The following HHAT variants were observed in gnomAD, a reference collection of about 807,000 sequenced individuals.
HHAT encodes the protein protein-cysteine N-palmitoyltransferase HHAT.
Under a neutral mutation model 70.8 loss-of-function variants are expected in HHAT, and 47 were observed. The ratio of observed to expected loss-of-function variants is 0.66; its 90% CI spans 0.53 to 0.85. HHAT has a LOEUF of 0.85. Ranked by LOEUF, HHAT falls within the 40% of genes least tolerant of loss-of-function variation. The pLI, the probability that HHAT is intolerant of heterozygous loss-of-function variation, is 0.00. For missense variants in HHAT, 609 were observed against 604.8 expected, an observed-to-expected ratio of 1.01 and a Z score of -0.07; for synonymous variants, 228 against 247.6, an observed-to-expected ratio of 0.92 and a Z score of 0.74.
chr1:210,512,866 A>T (rs981738775), intron 8 of HHAT, among the ~76,000 whole-genome samples: 2 of 152,090 alleles, frequency 1.3e-5, no homozygotes, highest in African/African-American at 4.8e-5. Flanking sequence ...ACGCTACTAG[A>T]GAGCAGTGTT....
chr1:210,449,900 A>G (rs2093713747), intron 7 of HHAT, among the ~76,000 whole-genome samples: 1 of 134,744 alleles, frequency 7.4e-6, no homozygotes, highest in East Asian at 2.4e-4. Context: ...GTCGGGCCAC[A>G]GGGACAGAGA....
intron 10 of HHAT, among the ~76,000 whole-genome samples, chr1:210,604,779 G>C (rs192871048): frequency 1.1e-4 from 16 of 152,226 alleles, no homozygotes; most frequent in Admixed American, 1.0e-3. Context: ...ACTTTGAGGG[G>C]CCAAGGTGGG....
At chr1:210,375,735 T>A (rs568234191) in intron 3 of HHAT, among the ~76,000 whole-genome samples, 2 of 152,194 alleles carry the variant, frequency 1.3e-5, no homozygotes, top group East Asian at 3.9e-4. Context: ...TCTGGAAAAT[T>A]TAATGACACC....
At chr1:210,540,975 C>T (rs752035916) in intron 9 of HHAT, among the ~76,000 whole-genome samples, 3 of 151,964 alleles carry the variant, frequency 2.0e-5, no homozygotes, top group African/African-American at 4.8e-5. Context: ...TGAGTAGCTG[C>T]GACTACAGGC....
At chr1:210,637,739 A>G (rs1380756327) in intron 11 of HHAT, among the ~76,000 whole-genome samples, 5 of 152,014 alleles carry the variant, frequency 3.3e-5, no homozygotes, top group Non-Finnish European at 7.4e-5. Context: ...ACACGCCTGT[A>G]GTCCCAGCTA....
chr1:210,628,740 GTTTA>G (rs1350053621), intron 11 of HHAT, among the ~76,000 whole-genome samples: 1 of 152,194 alleles, frequency 6.6e-6, no homozygotes, highest in African/African-American at 2.4e-5. Flanking sequence ...TGTCTGAGCA[GTTTA>G]TTTGTCTCCT....
Position 210,442,994 on chromosome 1 carries a change from T to A in HHAT, c.857-21511T>A, listed in dbSNP as rs2093556757. On this transcript the variant is annotated intron_variant, in intron 7 of 11. Coordinates refer to ENST00000261458, the MANE Select transcript of HHAT (RefSeq NM_018194.6). ...GTTTTTATGGTTTTAGGTCTAACAT[T>A]TAAGTCTTTAATCCATCTTGAATTG... Among the ~76,000 whole-genome samples, 2 of 152,302 alleles carry A rather than the reference T, an allele frequency of 1.3e-5. 1 individual carries two copies. The highest frequency in any genetic ancestry group is 4.2e-4 in the South Asian group (2 of 4,812).
rs138225423 is a variant in HHAT, at chr1:210,423,253, T to C, written c.856+4928T>C. 1.2e-3 allele frequency among the ~76,000 whole-genome samples: 187 copies of C among 152,342 alleles called. 1 individual carries two copies. Among genetic ancestry groups the C allele is most frequent in the African/African-American group, 4.1e-3 (171 of 41,576 alleles). Reference sequence around the variant, plus strand: ...TTTGTTATTTTTTTGGCCACTTTCATAATAGTCATCCTAACTCTGGGGTGA... The same window carrying C: ...TTTGTTATTTTTTTGGCCACTTTCACAATAGTCATCCTAACTCTGGGGTGA... On this transcript the variant is annotated intron_variant, in intron 7 of 11. Transcript: ENST00000261458.
rs115835530 is a variant in HHAT at position 210,432,502 on chromosome 1, G to A, written c.856+14177G>A. Among the ~76,000 whole-genome samples the A allele has an allele frequency of 6.0e-3, 919 of 152,036 alleles. 3 individuals carry two copies. The highest frequency in any genetic ancestry group is 0.01 in the Middle Eastern group (3 of 294). ...ATAATTGACTTTGGTCATGGTTGAC[G>A]TTGTTCATTTTGGGGGACTAAAGAC... On this transcript the variant is annotated intron_variant, in intron 7 of 11. Transcript: ENST00000261458.
intron 9 of HHAT, among the ~76,000 whole-genome samples, chr1:210,545,768 C>T (rs894606843): frequency 6.6e-6 from 1 of 152,138 alleles, no homozygotes; most frequent in Non-Finnish European, 1.5e-5. Context: ...GACCTTCTCT[C>T]ATCTCTCAGT....
chr1:210,404,567 A>G lies in HHAT; in HGVS notation c.572A>G (p.Gln191Arg). ...TSFSLELCWQ[Q>R]LPAASTSYSF... ...TTCAGCCTGGAGCTCTGCTGGCAGC[A>G]GCTGCCTGCTGCATCGACCTCCTAC... The change falls in exon 6 of 12, where the codon CAG becomes CGG. Residue 191 changes from glutamine (Q) to arginine (R), a missense_variant. Gln to Arg is a conservative substitution (Grantham distance 43). Coordinates refer to ENST00000261458, the MANE Select transcript of HHAT (RefSeq NM_018194.6). 6.2e-7 allele frequency: 1 copy of G among 1,613,672 alleles called. No homozygotes were observed. Among genetic ancestry groups the G allele is most frequent in the Non-Finnish European group, 8.5e-7 (1 of 1,179,580 alleles).
intron 10 of HHAT, among the ~76,000 whole-genome samples, chr1:210,591,535 C>G (rs555722274): frequency 6.6e-6 from 1 of 151,960 alleles, no homozygotes; most frequent in South Asian, 2.1e-4. Context: ...CTTAATTTAC[C>G]GATTTCCTTT....
intron 8 of HHAT, among the ~76,000 whole-genome samples, chr1:210,482,220 G>C (rs1223136399): frequency 1.3e-5 from 2 of 152,086 alleles, no homozygotes; most frequent in East Asian, 3.9e-4. Context: ...GAACTCTTCT[G>C]TACCTCCTGG....
rs151238336 is a variant in HHAT, at chr1:210,384,044, T to C, written c.160-3424T>C. 3.3e-3 allele frequency among the ~76,000 whole-genome samples: 510 copies of C among 152,328 alleles called. 7 individuals carry two copies. Among genetic ancestry groups the C allele is most frequent in the African/African-American group, 0.012 (489 of 41,564 alleles). Reference sequence around the variant, plus strand: ...CCTCATGGTGCCTAGAGCAGAACTCTGCTGTGGGTAGGAAAAGAGGCAGTT... The same window carrying C: ...CCTCATGGTGCCTAGAGCAGAACTCCGCTGTGGGTAGGAAAAGAGGCAGTT... On this transcript the variant is annotated intron_variant, in intron 3 of 11. Transcript: ENST00000261458.
In HHAT at chr1:210,674,411, G is replaced by A. The variant is rs376887707; in HGVS notation, c.*32G>A. ...TGGGCCCAGGCCAGTCCTTGTTGCT[G>A]GCCTCCAAGGCAAATAGTGCTTCAC... On this transcript the variant is annotated 3_prime_UTR_variant, in exon 12 of 12. Coordinates refer to ENST00000261458, the MANE Select transcript of HHAT (RefSeq NM_018194.6). 16 of 1,554,416 alleles carry A rather than the reference G, an allele frequency of 1.0e-5. No individual in the cohort carries two copies. Among genetic ancestry groups the A allele is most frequent in the Non-Finnish European group, 1.4e-5 (16 of 1,126,712 alleles).
chr1:210,569,437 C>T (rs1468785446), intron 9 of HHAT, among the ~76,000 whole-genome samples: 1 of 141,388 alleles, frequency 7.1e-6, no homozygotes, highest in Non-Finnish European at 1.5e-5. Flanking sequence ...GTTTTCCACT[C>T]ATTGAGAAAG....
chr1:210,602,921 G>A (rs951042919), intron 10 of HHAT, among the ~76,000 whole-genome samples: 4 of 152,144 alleles, frequency 2.6e-5, no homozygotes, highest in African/African-American at 4.8e-5. Context: ...GGTCTAAGAG[G>A]TAGAATTCTG....
chr1:210,394,086 A>G (rs1076708), intron 4 of HHAT, among the ~76,000 whole-genome samples: 60,860 of 151,892 alleles, frequency 0.4, 12,572 homozygotes, highest in Admixed American at 0.42. Flanking sequence ...GGCTTTAGCA[A>G]TTCTTGCTGT....
Position 210,464,628 on chromosome 1 carries a change from C to A in HHAT, c.980C>A (p.Thr327Asn). ...CCCGCCCTCCCCCGCTGCGTGAGCA[C>A]CATGTTCAGTTTCACCGGGATGTGG... ...TPPALPRCVS[T>N]MFSFTGMWRY... Residue 327 changes from threonine (T) to asparagine (N), a missense_variant, in exon 8 of 12, where the codon ACC becomes AAC. Coordinates refer to ENST00000261458, the MANE Select transcript of HHAT (RefSeq NM_018194.6). 1 of 1,614,194 alleles carries A rather than the reference C, an allele frequency of 6.2e-7. No homozygotes were observed.
Sources: gnomAD v4.1 joint callset for allele counts (sites outside exome capture counted in the v4.1 genomes callset) on GRCh38, gnomAD v4.1.1 for gene constraint, MANE v1.5 for transcripts, NCBI Gene and HGNC (gene_info 2026-07-23, HGNC 2026-07-21) for gene names.